Variants in GPC6 observed in about 807,000 individuals in gnomAD.
GPC6 encodes glypican-6.
In GPC6, 14 loss-of-function variants were observed where a neutral mutation model predicts 55.2. The observed-to-expected ratio is 0.25, with a 90% CI of 0.17 to 0.40. The LOEUF is 0.40. Among genes scored for constraint, GPC6 ranks in the 10% least tolerant of loss-of-function variants. The probability of loss-of-function intolerance (pLI) is 1.00; values close to 1 mark genes in which losing one functional copy is unlikely to be tolerated. For synonymous variants in GPC6, 278 were observed against 259.6 expected, an observed-to-expected ratio of 1.07 and a Z score of -0.68; for missense variants, 641 against 708.5, an observed-to-expected ratio of 0.90 and a Z score of 1.08.
intron 1 of GPC6, among the ~76,000 whole-genome samples, chr13:93,356,430 G>A (rs139705800): frequency 0.022 from 3,286 of 152,298 alleles, 47 homozygotes; most frequent in Middle Eastern, 0.048. Flanking sequence ...ATGATCCAGT[G>A]AAGAAGGCAT....
chr13:93,588,218 C>G (rs1877294900), intron 2 of GPC6, among the ~76,000 whole-genome samples: 1 of 152,130 alleles, frequency 6.6e-6, no homozygotes, highest in Non-Finnish European at 1.5e-5. Flanking sequence ...TAAGAGGCTA[C>G]TTGAAGTATG....
At chr13:93,447,454 T>C (rs1269517021) in intron 1 of GPC6, among the ~76,000 whole-genome samples, 1 of 152,174 alleles carries the variant, frequency 6.6e-6, no homozygotes, top group Non-Finnish European at 1.5e-5. Flanking sequence ...CATTAGACCA[T>C]AGGTTAATTC....
chr13:93,851,049 A>G (rs1888375204), intron 3 of GPC6, among the ~76,000 whole-genome samples: 1 of 151,906 alleles, frequency 6.6e-6, no homozygotes, highest in Non-Finnish European at 1.5e-5. Flanking sequence ...ACTACTTCTG[A>G]TTGTCATCCT....
rs1184511119 is a variant in GPC6 at position 94,155,042 on chromosome 13, T to C, written c.877+127148T>C. ...CCAGGGCACTGCATTGGTCCTTTAGTCCGGCTCCCTGGGGGTACACCTCTA... is the reference window on the plus strand; with the variant it reads ...CCAGGGCACTGCATTGGTCCTTTAGCCCGGCTCCCTGGGGGTACACCTCTA... On this transcript the variant is annotated intron_variant, in intron 4 of 8. Coordinates refer to ENST00000377047, the MANE Select transcript of GPC6 (RefSeq NM_005708.5). 2.0e-5 allele frequency among the ~76,000 whole-genome samples: 3 copies of C among 152,164 alleles called. 1 individual carries two copies. Among genetic ancestry groups the C allele is most frequent in the African/African-American group, 7.2e-5 (3 of 41,446 alleles).
intron 1 of GPC6, among the ~76,000 whole-genome samples, chr13:93,505,283 C>T (rs968884734): frequency 6.6e-6 from 1 of 152,126 alleles, no homozygotes; most frequent in African/African-American, 2.4e-5. Context: ...ACTGGATTGC[C>T]AAATATTGAA....
chr13:93,595,299 T>C lies in GPC6; in HGVS notation c.319+49878T>C, dbSNP rs993979823. On this transcript the variant is annotated intron_variant, in intron 2 of 8. Transcript: ENST00000377047. ...ATTACAATTTTTAAAAATGCTTATA[T>C]GCCCAATCCTATGTGGTGAATTGAT... is the stretch of plus-strand genomic sequence containing the variant. Among the ~76,000 whole-genome samples the C allele has an allele frequency of 2.0e-5, 3 of 152,208 alleles. 1 individual carries two copies. Among genetic ancestry groups the C allele is most frequent in the African/African-American group, 7.2e-5 (3 of 41,466 alleles).
At chr13:94,068,006 C>T (rs945660522) in intron 4 of GPC6, among the ~76,000 whole-genome samples, 1 of 152,258 alleles carries the variant, frequency 6.6e-6, no homozygotes, top group East Asian at 1.9e-4. Flanking sequence ...AAAAGATGTA[C>T]ATTGATAAAC....
intron 4 of GPC6, among the ~76,000 whole-genome samples, chr13:94,040,461 T>A (rs945076135): frequency 6.6e-6 from 1 of 151,872 alleles, no homozygotes; most frequent in African/African-American, 2.4e-5. Flanking sequence ...GTTACTGATT[T>A]AAGAATGCCC....
At chr13:93,657,097 C>A (rs1377724349) in intron 2 of GPC6, among the ~76,000 whole-genome samples, 1 of 151,996 alleles carries the variant, frequency 6.6e-6, no homozygotes, top group Non-Finnish European at 1.5e-5. Context: ...TTAGAAAAAA[C>A]TATTCTAAAA....
chr13:93,624,583 C>T (rs536757557), intron 2 of GPC6, among the ~76,000 whole-genome samples: 29 of 152,214 alleles, frequency 1.9e-4, no homozygotes, highest in African/African-American at 4.1e-4. Flanking sequence ...TTTTAGAAAA[C>T]GAAACAAAAT....
At chr13:93,931,417 G>A (rs1878163845) in intron 3 of GPC6, among the ~76,000 whole-genome samples, 1 of 142,048 alleles carries the variant, frequency 7.0e-6, no homozygotes, top group African/African-American at 2.7e-5. Context: ...GAGGCCACAG[G>A]GGAAATACCA....
intron 2 of GPC6, among the ~76,000 whole-genome samples, chr13:93,735,700 G>A (rs1331528299): frequency 6.6e-6 from 1 of 152,116 alleles, no homozygotes; most frequent in Non-Finnish European, 1.5e-5. Flanking sequence ...AATTTTCAAA[G>A]CCAAAATAAT....
intron 2 of GPC6, among the ~76,000 whole-genome samples, chr13:93,584,716 G>T (rs1375686080): frequency 4.5e-5 from 6 of 133,596 alleles, no homozygotes; most frequent in African/African-American, 1.6e-4. Flanking sequence ...TTTGAGACAG[G>T]GTCTCTCTGT....
chr13:93,923,953 C>T (rs1314994053), intron 3 of GPC6, among the ~76,000 whole-genome samples: 1 of 152,054 alleles, frequency 6.6e-6, no homozygotes, highest in African/African-American at 2.4e-5. Context: ...AATCCACATC[C>T]TTGGATGTGG....
At chr13:94,132,635 C>A (rs867431492) in intron 4 of GPC6, among the ~76,000 whole-genome samples, 2 of 152,170 alleles carry the variant, frequency 1.3e-5, no homozygotes, top group Non-Finnish European at 2.9e-5. Context: ...GTTGCCCTCA[C>A]CTCCCTCATC....
intron 2 of GPC6, among the ~76,000 whole-genome samples, chr13:93,696,957 T>C (rs914815418): frequency 2.6e-5 from 4 of 152,110 alleles, no homozygotes; most frequent in South Asian, 2.1e-4. Flanking sequence ...TTTAAAGCTG[T>C]ATTTCTTGAG....
intron 6 of GPC6, among the ~76,000 whole-genome samples, chr13:94,378,196 TAATAA>T (rs1022607762): frequency 6.6e-5 from 10 of 152,006 alleles, no homozygotes; most frequent in African/African-American, 1.7e-4. Flanking sequence ...TAAAGTATAA[TAATAA>T]AATAATAATA....
chr13:93,823,324 C>T (rs1279896729), intron 2 of GPC6, among the ~76,000 whole-genome samples: 1 of 152,000 alleles, frequency 6.6e-6, no homozygotes, highest in Non-Finnish European at 1.5e-5. Flanking sequence ...ACTACAAAGC[C>T]ATCCTGCTGT....
chr13:94,288,896 C>T (rs1456790723), intron 5 of GPC6, among the ~76,000 whole-genome samples: 4 of 117,806 alleles, frequency 3.4e-5, no homozygotes, highest in East Asian at 2.3e-4. Context: ...ATATATATAA[C>T]AAATATATAT....
Sources: gnomAD v4.1 joint callset for allele counts (sites outside exome capture counted in the v4.1 genomes callset) on GRCh38, gnomAD v4.1.1 for gene constraint, MANE v1.5 for transcripts, NCBI Gene and HGNC (gene_info 2026-07-23, HGNC 2026-07-21) for gene names.